Variants in BDH1 observed in about 807,000 individuals in gnomAD.
BDH1 encodes 3-hydroxybutyrate dehydrogenase 1.
In BDH1, 30 loss-of-function variants were observed where a neutral mutation model predicts 33.1. That is an observed-to-expected ratio of 0.91 (90% confidence interval 0.68 to 1.23). The LOEUF is 1.23. BDH1 is among the 50% of genes most tolerant of loss of function. The pLI is 0.00. For missense variants in BDH1, 443 were observed against 464.4 expected, an observed-to-expected ratio of 0.95 and a Z score of 0.42; for synonymous variants, 190 against 183.6, an observed-to-expected ratio of 1.03 and a Z score of -0.28.
rs1377901560 is a variant in BDH1, at chr3:197,514,880, C to T, written c.410-464G>A. 5.9e-5 allele frequency among the ~76,000 whole-genome samples: 9 copies of T among 152,168 alleles called. 1 individual carries two copies. The highest frequency in any genetic ancestry group is 1.4e-4 in the African/African-American group (6 of 41,430). The stretch of plus-strand genomic sequence containing the variant: ...AGGGAAATCACAGGGGAGGTGGGCA[C>T]GAGGAGGCAGCTGTGTTTTGCAGGG... On this transcript the variant is annotated intron_variant, in intron 6 of 7. Coordinates refer to ENST00000392379, the MANE Select transcript of BDH1 (RefSeq NM_203314.3). The surrounding 1 kb of genome is among the most constrained non-coding windows in gnomAD (Gnocchi z 4.2).
chr3:197,545,571 C>T (rs1336193307), intron 3 of BDH1, among the ~76,000 whole-genome samples: 1 of 152,192 alleles, frequency 6.6e-6, no homozygotes, highest in Non-Finnish European at 1.5e-5. Flanking sequence ...AAACTAAAAA[C>T]ACATGACACC....
At chr3:197,555,230 G>C (rs947181312) in intron 1 of BDH1, 2 of 154,722 alleles carry the variant, frequency 1.3e-5, no homozygotes, top group Non-Finnish European at 2.9e-5. Flanking sequence ...CCCGGGAACA[G>C]AGCCTTGCGG....
Position 197,514,774 on chromosome 3 carries a change from T to C in BDH1, c.410-358A>G, listed in dbSNP as rs1712509076. ...CCCATCCCATCCCCACACCCTGAGT[T>C]TGAGTTTCACGCCCCGTTCCTGTTT... On this transcript the variant is annotated intron_variant, in intron 6 of 7. Transcript: ENST00000392379. The surrounding 1 kb of genome is among the most constrained non-coding windows in gnomAD (Gnocchi z 4.2). Among the ~76,000 whole-genome samples, 1 of 152,112 alleles carries C rather than the reference T, an allele frequency of 6.6e-6. No homozygotes were observed. Among genetic ancestry groups the C allele is most frequent in the Non-Finnish European group, 1.5e-5 (1 of 68,016 alleles).
chr3:197,551,852 A>C (rs111557999), intron 2 of BDH1, among the ~76,000 whole-genome samples: 3 of 152,256 alleles, frequency 2.0e-5, no homozygotes, highest in African/African-American at 7.2e-5. Context: ...AACTGCCATA[A>C]TTACAACTGC....
At chr3:197,512,454 G>C in intron 7 of BDH1, 90 bp from the exon 8 acceptor site, 1 of 1,394,246 alleles carries the variant, frequency 7.2e-7, no homozygotes, top group Admixed American at 2.4e-5. Flanking sequence ...GGCTTGGCTG[G>C]AACCACTTCT....
Position 197,511,630 on chromosome 3 carries a change from A to C in BDH1, c.*265T>G. On this transcript the variant is annotated 3_prime_UTR_variant, in exon 8 of 8. Coordinates refer to ENST00000392379, the MANE Select transcript of BDH1 (RefSeq NM_203314.3). ...AAAGATGTTTTCTTAAAATCTCTGT[A>C]TGAAATTATCTCCGGAGAGATAGAT... 4.8e-6 allele frequency: 2 copies of C among 417,906 alleles called. No individual in the cohort carries two copies. Among genetic ancestry groups the C allele is most frequent in the South Asian group, 9.7e-5 (1 of 10,294 alleles). 25.9% of individuals were successfully genotyped at this position (417,906 alleles called of 1,614,324 possible). A position where few individuals can be genotyped will look rare whatever the true frequency, so the allele number is the denominator to read the frequency against.
Position 197,523,084 on chromosome 3 carries a change from G to T in BDH1, c.268-303C>A. ...GTTGCAAACTTATGTGGGGCAGGCGGGGGCCCTGGGGAGTACAGGACATGT... is the reference window on the plus strand; with the variant it reads ...GTTGCAAACTTATGTGGGGCAGGCGTGGGCCCTGGGGAGTACAGGACATGT... On this transcript the variant is annotated intron_variant, in intron 5 of 7. Transcript: ENST00000392379. The surrounding 1 kb of genome is among the most constrained non-coding windows in gnomAD (Gnocchi z 4.5). The T allele has an allele frequency of 5.2e-6, 2 of 385,052 alleles. No homozygotes were observed. Among genetic ancestry groups the T allele is most frequent in the Admixed American group, 4.4e-5 (1 of 22,882 alleles). 23.9% of individuals were successfully genotyped at this position (385,052 alleles called of 1,614,324 possible). A position where few individuals can be genotyped will look rare whatever the true frequency, so the allele number is the denominator to read the frequency against.
intron 3 of BDH1, among the ~76,000 whole-genome samples, chr3:197,541,316 G>A (rs1715606033): frequency 6.6e-6 from 1 of 152,196 alleles, no homozygotes; most frequent in African/African-American, 2.4e-5. Flanking sequence ...AGGTCCTGGG[G>A]GAAGAACTGG....
At chr3:197,527,060 G>A (rs1362707084) in intron 5 of BDH1, among the ~76,000 whole-genome samples, 1 of 152,208 alleles carries the variant, frequency 6.6e-6, no homozygotes, top group Non-Finnish European at 1.5e-5. Flanking sequence ...CTGGCAGAAA[G>A]GTTTTTGTCT....
intron 5 of BDH1, among the ~76,000 whole-genome samples, chr3:197,527,553 G>C (rs1714217689): frequency 6.6e-6 from 1 of 152,102 alleles, no homozygotes; most frequent in Non-Finnish European, 1.5e-5. Flanking sequence ...TTTCCAGATG[G>C]TGGTGAGACG....
At chr3:197,550,916 T>C (rs1052758674) in intron 2 of BDH1, among the ~76,000 whole-genome samples, 3 of 152,344 alleles carry the variant, frequency 2.0e-5, no homozygotes, top group South Asian at 2.1e-4. Flanking sequence ...GGCAGAACAC[T>C]ATTATTTTTA....
intron 7 of BDH1, among the ~76,000 whole-genome samples, chr3:197,513,689 A>G (rs1712359595): frequency 6.6e-6 from 1 of 152,354 alleles, no homozygotes; most frequent in South Asian, 2.1e-4. Context: ...GGACTTCACC[A>G]TAGATGTATG....
At chr3:197,556,222 A>T (rs1717028250), upstream of BDH1, among the ~76,000 whole-genome samples, 1 of 152,230 alleles carries the variant, frequency 6.6e-6, no homozygotes, top group South Asian at 2.1e-4. Flanking sequence ...AAAGGGTTGC[A>T]GCCTCGCGGG....
chr3:197,516,018 A>G lies in BDH1; in HGVS notation c.410-1602T>C, dbSNP rs1326275733. 6.6e-6 allele frequency among the ~76,000 whole-genome samples: 1 copy of G among 152,122 alleles called. No homozygotes were observed. Among genetic ancestry groups the G allele is most frequent in the Non-Finnish European group, 1.5e-5 (1 of 67,996 alleles). On this transcript the variant is annotated intron_variant, in intron 6 of 7. Coordinates refer to ENST00000392379, the MANE Select transcript of BDH1 (RefSeq NM_203314.3). This position sits in a 1 kb window ranked among gnomAD's most constrained non-coding sequence, Gnocchi z 4.2. ...CAGTCTCCAGGGTCTCCAGGGTGGT[A>G]CACCAAGGACCTCACCCCCAGTCTT...
At chr3:197,563,912 G>A (rs1400589878) in intron 1 of BDH1, among the ~76,000 whole-genome samples, 1 of 151,978 alleles carries the variant, frequency 6.6e-6, no homozygotes, top group Non-Finnish European at 1.5e-5. Context: ...GACCAGCCTG[G>A]TCAACATGGT....
chr3:197,537,293 C>T (rs1715241573), intron 3 of BDH1, among the ~76,000 whole-genome samples: 1 of 152,152 alleles, frequency 6.6e-6, no homozygotes, highest in African/African-American at 2.4e-5. Context: ...CCGGTCGAAA[C>T]TGTATTGTTT....
chr3:197,565,716 T>C (rs893655918), intron 1 of BDH1, among the ~76,000 whole-genome samples: 9 of 152,244 alleles, frequency 5.9e-5, no homozygotes, highest in Non-Finnish European at 1.3e-4. Context: ...TGTCTTTGAC[T>C]GTGGCTGCCT....
chr3:197,540,442 G>A (rs987296090), intron 3 of BDH1, among the ~76,000 whole-genome samples: 2 of 148,240 alleles, frequency 1.3e-5, no homozygotes, highest in Non-Finnish European at 3.0e-5. Context: ...GGCTGAGGCG[G>A]GCAGACACTT....
At chr3:197,568,734 A>T (rs1717511785) in intron 1 of BDH1, among the ~76,000 whole-genome samples, 5 of 152,106 alleles carry the variant, frequency 3.3e-5, no homozygotes, top group Admixed American at 3.3e-4. Flanking sequence ...GGATCTTGGA[A>T]GAGGGAACAA....
Sources: gnomAD v4.1 joint callset for allele counts (sites outside exome capture counted in the v4.1 genomes callset) on GRCh38, gnomAD v4.1.1 for gene constraint, Gnocchi (gnomAD v3.1) non-coding constraint, MANE v1.5 for transcripts, NCBI Gene and HGNC (gene_info 2026-07-23, HGNC 2026-07-21) for gene names.